Variants in ATP8A2 observed in about 807,000 individuals in gnomAD.
ATP8A2 encodes ATPase phospholipid transporting 8A2, also known as phospholipid-transporting ATPase IB.
Under a neutral mutation model 165.6 loss-of-function variants are expected in ATP8A2, and 100 were observed. The ratio of observed to expected loss-of-function variants is 0.60; its 90% CI spans 0.51 to 0.71. The LOEUF (loss-of-function observed/expected upper bound fraction) is 0.71. ATP8A2 is among the 30% of genes least tolerant of loss of function. The pLI is 0.00. For missense variants in ATP8A2, 1,227 were observed against 1,479.5 expected (o/e 0.83, Z 2.80); for synonymous variants, 543 against 548.8 (o/e 0.99, Z 0.15).
intron 24 of ATP8A2, among the ~76,000 whole-genome samples, chr13:25,664,608 CA>C (rs375604413): frequency 3.3e-5 from 5 of 152,164 alleles, no homozygotes; most frequent in African/African-American, 1.2e-4. Flanking sequence ...GCTGGAATGC[CA>C]GATGAAGTCT....
At chr13:25,942,270 A>G (rs1955091301) in intron 33 of ATP8A2, among the ~76,000 whole-genome samples, 1 of 152,064 alleles carries the variant, frequency 6.6e-6, no homozygotes, top group African/African-American at 2.4e-5. Flanking sequence ...ACTCCTGAAC[A>G]TATCTATTTG....
chr13:25,614,712 C>G (rs2040776826), intron 24 of ATP8A2, among the ~76,000 whole-genome samples: 1 of 152,170 alleles, frequency 6.6e-6, no homozygotes, highest in African/African-American at 2.4e-5. Flanking sequence ...ATGTGGTGCT[C>G]TCCGCCTTTT....
chr13:25,717,885 A>C (rs2043290154), intron 25 of ATP8A2, among the ~76,000 whole-genome samples: 1 of 152,162 alleles, frequency 6.6e-6, no homozygotes, highest in Non-Finnish European at 1.5e-5. Flanking sequence ...TGAAGATTGA[A>C]GTTAACCTCG....
chr13:25,817,102 A>T (rs1379181645), intron 27 of ATP8A2, among the ~76,000 whole-genome samples: 1 of 152,158 alleles, frequency 6.6e-6, no homozygotes. Context: ...TTAATGAACG[A>T]CAGCAGATCC....
chr13:26,000,461 C>T (rs1956610604), intron 35 of ATP8A2, among the ~76,000 whole-genome samples: 4 of 152,158 alleles, frequency 2.6e-5, no homozygotes, highest in Admixed American at 2.6e-4. Context: ...TCCATCATAA[C>T]TCAGCTCTCC....
At chr13:25,743,346 C>T (rs558135843) in intron 25 of ATP8A2, among the ~76,000 whole-genome samples, 49 of 152,230 alleles carry the variant, frequency 3.2e-4, no homozygotes, top group African/African-American at 1.2e-3. Context: ...TGATCTACAC[C>T]TCCGGCTTTC....
At chr13:25,691,308 G>A (rs1482774846) in intron 24 of ATP8A2, among the ~76,000 whole-genome samples, 4 of 152,162 alleles carry the variant, frequency 2.6e-5, no homozygotes, top group Non-Finnish European at 5.9e-5. Context: ...ACTTGCTGCT[G>A]AATCCTACGC....
chr13:25,692,443 C>T (rs1373387267), intron 24 of ATP8A2, among the ~76,000 whole-genome samples: 1 of 152,176 alleles, frequency 6.6e-6, no homozygotes, highest in African/African-American at 2.4e-5. Context: ...GGCTCCTACC[C>T]GTGCAGATTT....
chr13:25,468,766 G>C, intron 1 of ATP8A2: 1 of 923,150 alleles, frequency 1.1e-6, no homozygotes, highest in Non-Finnish European at 1.3e-6. Flanking sequence ...CGGGGCGTGG[G>C]CGTGGGCGGG....
At chr13:25,666,519 C>A (rs895080816) in intron 24 of ATP8A2, among the ~76,000 whole-genome samples, 2 of 152,116 alleles carry the variant, frequency 1.3e-5, no homozygotes, top group Non-Finnish European at 2.9e-5. Flanking sequence ...GGATAACAGG[C>A]GTGAGTCACC....
intron 1 of ATP8A2, among the ~76,000 whole-genome samples, chr13:25,377,057 A>C (rs1430904398): frequency 2.6e-5 from 4 of 152,232 alleles, no homozygotes; most frequent in Non-Finnish European, 4.4e-5. Context: ...TTTTACATTT[A>C]CAACGGATGT....
chr13:25,639,130 A>C (rs866985807), intron 24 of ATP8A2, among the ~76,000 whole-genome samples: 2,330 of 134,938 alleles, frequency 0.017, 59 homozygotes, highest in African/African-American at 0.059. Flanking sequence ...AAGGACCAGT[A>C]CCAGCCACTG....
intron 1 of ATP8A2, among the ~76,000 whole-genome samples, chr13:25,454,664 C>T (rs2035316199): frequency 6.6e-6 from 1 of 152,168 alleles, no homozygotes; most frequent in Admixed American, 6.5e-5. Flanking sequence ...TGGCTCACGC[C>T]TGTAATCCCA....
intron 25 of ATP8A2, among the ~76,000 whole-genome samples, chr13:25,701,524 C>T (rs1003681649): frequency 3.3e-5 from 5 of 152,054 alleles, no homozygotes; most frequent in African/African-American, 1.2e-4. Context: ...GGGGTCATCC[C>T]CCTGACTCGC....
At position 26,020,160 on chromosome 13, in the gene ATP8A2, G is replaced by C; in HGVS notation, c.*175G>C. The C allele has an allele frequency of 3.3e-6, 2 of 602,846 alleles. No individual in the cohort carries two copies. The highest frequency in any genetic ancestry group is 5.9e-6 in the Non-Finnish European group (2 of 340,166). The allele number at this position is 602,846 out of a possible 1,614,324, so 37.3% of individuals were successfully genotyped here. On this transcript the variant is annotated 3_prime_UTR_variant, in exon 37 of 37. Coordinates refer to ENST00000381655, the MANE Select transcript of ATP8A2 (RefSeq NM_016529.6). ...TATTCCCTCGCAAACCTGGAGTGCAGACCACAGGGGAAGCTATCTTTGCCC... is the reference window on the plus strand; with the variant it reads ...TATTCCCTCGCAAACCTGGAGTGCACACCACAGGGGAAGCTATCTTTGCCC...
intron 33 of ATP8A2, among the ~76,000 whole-genome samples, chr13:25,931,980 G>A (rs1474141830): frequency 6.6e-6 from 1 of 151,260 alleles, no homozygotes; most frequent in African/African-American, 2.4e-5. Flanking sequence ...CCAGGGAGGT[G>A]TAGGTTGCAG....
chr13:25,968,423 C>A, intron 34 of ATP8A2, 152 bp from the exon 35 acceptor site: 1 of 650,324 alleles, frequency 1.5e-6, no homozygotes, highest in Non-Finnish European at 2.7e-6. Flanking sequence ...GAACCTGGGT[C>A]ATGCATGGAG....
chr13:25,894,299 C>T (rs1450296018), intron 33 of ATP8A2, among the ~76,000 whole-genome samples: 3 of 152,104 alleles, frequency 2.0e-5, no homozygotes, highest in Non-Finnish European at 2.9e-5. Flanking sequence ...GAATCCTTTC[C>T]CCATTTCTTC....
At chr13:25,597,850 G>T (rs1305795513) in intron 24 of ATP8A2, among the ~76,000 whole-genome samples, 2 of 151,784 alleles carry the variant, frequency 1.3e-5, no homozygotes, top group Admixed American at 1.3e-4. Flanking sequence ...AGAGCCAGAA[G>T]TTTTTTGTTT....
Sources: allele counts gnomAD v4.1 joint callset (sites outside exome capture counted in the v4.1 genomes callset), GRCh38; gene constraint gnomAD v4.1.1; transcripts MANE v1.5; gene names NCBI Gene and HGNC (gene_info 2026-07-23, HGNC 2026-07-21).